MDN1: variants seen among roughly 807,000 people sequenced by gnomAD.
MDN1 encodes midasin.
In MDN1, 266 loss-of-function variants were observed where a neutral mutation model predicts 669.2. That is an observed-to-expected ratio of 0.40 (90% CI 0.36 to 0.44). MDN1 has a LOEUF of 0.44. MDN1 is among the 20% of genes least tolerant of loss of function. The pLI, the probability that MDN1 is intolerant of heterozygous loss-of-function variation, is 1.00. For synonymous variants in MDN1, 2,385 were observed against 2,457.1 expected, an observed-to-expected ratio of 0.97 and a Z score of 0.87; for missense variants, 5,940 against 6,754.0, an observed-to-expected ratio of 0.88 and a Z score of 4.22.
Position 89,695,701 on chromosome 6 carries a change from C to A in MDN1, c.9675G>T (p.Val3225=). Residue 3225 remains valine (V), a synonymous_variant, in exon 61 of 102, where the codon GTG becomes GTT. Transcript: ENST00000369393. This position sits in a 1 kb window ranked among gnomAD's most constrained non-coding sequence, Gnocchi z 4.1. ...TCTGAATCTGGAGCAAGCCGAGGCT[C>A]ACCCAGAGGCTCCCACGCTGGGCTG... is the stretch of plus-strand genomic sequence containing the variant. ...PEPAQRGSLW[V]SLGLLQIQTW... is the part of the protein sequence containing the mutation. The A allele has an allele frequency of 6.2e-7, 1 of 1,613,806 alleles. No individual in the cohort carries two copies. Among genetic ancestry groups the A allele is most frequent in the Non-Finnish European group, 8.5e-7 (1 of 1,180,018 alleles).
intron 40 of MDN1, 105 bp downstream of exon 40, chr6:89,722,846 CAAAA>C (rs34376900): frequency 1.7e-3 from 1,174 of 687,586 alleles, no homozygotes; most frequent in South Asian, 3.3e-3. Context: ...AACCCAGTCT[CAAAA>C]AAAAAAAAAA....
At chr6:89,790,434 G>A in intron 5 of MDN1, 33 bp from the exon 6 acceptor site, 1 of 1,612,800 alleles carries the variant, frequency 6.2e-7, no homozygotes. Context: ...ATGTCAAGAA[G>A]AGTTCTTCCC....
rs772860992 is a variant in MDN1 at position 89,776,588 on chromosome 6, C to G, written c.1821+12G>C. On this transcript the variant is annotated intron_variant, in intron 12 of 101. Coordinates refer to ENST00000369393, the MANE Select transcript of MDN1 (RefSeq NM_014611.3). Reference sequence around the variant, plus strand: ...TCCTTTCAACAGGGAAGTAAAAAAACAGCACACATACCTTTTTTCTAGAAA... The same window carrying G: ...TCCTTTCAACAGGGAAGTAAAAAAAGAGCACACATACCTTTTTTCTAGAAA... 6.3e-7 allele frequency: 1 copy of G among 1,591,112 alleles called. No homozygotes were observed. The highest frequency in any genetic ancestry group is 8.6e-7 in the Non-Finnish European group (1 of 1,163,416).
At chr6:89,656,064 A>C in intron 91 of MDN1, 96 bp from the exon 92 acceptor site, 2 of 1,069,632 alleles carry the variant, frequency 1.9e-6, no homozygotes, top group Middle Eastern at 2.1e-4. Flanking sequence ...AGGATAAGTA[A>C]ATCAGGTGTA....
At chr6:89,814,288 A>C (rs1768657276) in intron 1 of MDN1, among the ~76,000 whole-genome samples, 1 of 152,088 alleles carries the variant, frequency 6.6e-6, no homozygotes, top group African/African-American at 2.4e-5. Context: ...CAGAGACCTT[A>C]GGACTGACAA....
At position 89,714,593 on chromosome 6, in the gene MDN1, A is replaced by G; in HGVS notation, c.7019T>C (p.Val2340Ala). The G allele has an allele frequency of 6.2e-7, 1 of 1,614,118 alleles. No individual in the cohort carries two copies. Among genetic ancestry groups the G allele is most frequent in the Non-Finnish European group, 8.5e-7 (1 of 1,179,974 alleles). Residue 2340 changes from valine (V) to alanine (A), a missense_variant, in exon 46 of 102, where the codon GTA becomes GCA. Coordinates refer to ENST00000369393, the MANE Select transcript of MDN1 (RefSeq NM_014611.3). ...GTGTAAAGCCAAGAGGATGTCACAT[A>G]CACTGTTCCCCACCAATCCAAGGCT... ...LHSLGLVGNS[V>A]CDILLALHTE...
intron 2 of MDN1, among the ~76,000 whole-genome samples, chr6:89,801,349 A>C (rs1767644129): frequency 6.6e-6 from 1 of 152,102 alleles, no homozygotes; most frequent in Non-Finnish European, 1.5e-5. Context: ...CATGGTGAAA[A>C]CCCCAAAAAA....
chr6:89,741,346 C>A (rs1266692743), intron 31 of MDN1, among the ~76,000 whole-genome samples: 11 of 151,872 alleles, frequency 7.2e-5, no homozygotes, highest in African/African-American at 2.7e-4. Flanking sequence ...TAAAAAAAAA[C>A]ACAAAAACCT....
chr6:89,749,612 A>G lies in MDN1; in HGVS notation c.3546T>C (p.Val1182=). ...GCATAAACCGAGGGTGTGCTTTAAC[A>G]ACTTCCTGTGTTTCTGTTACTAGCA... ...RELLVTETQE[V]VKAHPRFMLF... The change falls in exon 25 of 102, where the codon GTT becomes GTC. Residue 1182 remains valine, a synonymous_variant. Transcript: ENST00000369393. The G allele has an allele frequency of 6.2e-7, 1 of 1,614,164 alleles. No individual in the cohort carries two copies. Among genetic ancestry groups the G allele is most frequent in the Non-Finnish European group, 8.5e-7 (1 of 1,180,018 alleles).
chr6:89,672,050 T>C, intron 82 of MDN1, 150 bp downstream of exon 82: 1 of 720,644 alleles, frequency 1.4e-6, no homozygotes, highest in Non-Finnish European at 2.1e-6. Flanking sequence ...GTCAATGACT[T>C]TGCACGTATA....
In MDN1 at chr6:89,699,498, A is replaced by G. The variant is rs576245022; in HGVS notation, c.8997+103T>C. ...TTCAAAAAAACCTGAGGTTTCCAATATGGAATTTTGAGAATAAATAAAATG... is the reference window on the plus strand; with the variant it reads ...TTCAAAAAAACCTGAGGTTTCCAATGTGGAATTTTGAGAATAAATAAAATG... On this transcript the variant is annotated intron_variant, in intron 58 of 101. Coordinates refer to ENST00000369393, the MANE Select transcript of MDN1 (RefSeq NM_014611.3). The G allele has an allele frequency of 3.7e-6, 5 of 1,365,938 alleles. No individual in the cohort carries two copies. In the Admixed American group the frequency reaches 1.2e-4, roughly 34 times the overall value. The allele number at this position is 1,365,938 out of a possible 1,614,324, so 84.6% of individuals were successfully genotyped here. A position where few individuals can be genotyped will look rare whatever the true frequency, so the allele number is the denominator to read the frequency against.
chr6:89,700,075 G>C lies in MDN1; in HGVS notation c.8858C>G (p.Ala2953Gly), dbSNP rs1326169415. 2 of 1,613,908 alleles carry C rather than the reference G, an allele frequency of 1.2e-6. No homozygotes were observed. The highest frequency in any genetic ancestry group is 1.1e-5 in the South Asian group (1 of 91,062). ...YKVTADFMAQ[A>G]CLRRCSKNQQ... ...AAGCATGGTTTACCTTCTGAGACAAGCTTGTGCCATAAAATCAGCTGTCAC... is the reference window on the plus strand; with the variant it reads ...AAGCATGGTTTACCTTCTGAGACAACCTTGTGCCATAAAATCAGCTGTCAC... Residue 2953 changes from alanine to glycine, a missense_variant, in exon 57 of 102, where the codon GCT becomes GGT. By Grantham distance (60) the Ala-to-Gly change is moderately conservative (BLOSUM62 0). Coordinates refer to ENST00000369393, the MANE Select transcript of MDN1 (RefSeq NM_014611.3).
intron 31 of MDN1, among the ~76,000 whole-genome samples, chr6:89,742,552 T>C (rs1384599174): frequency 1.3e-5 from 2 of 152,230 alleles, no homozygotes; most frequent in Non-Finnish European, 2.9e-5. Context: ...CTCAGTTCTA[T>C]GCATATAGCT....
intron 1 of MDN1, among the ~76,000 whole-genome samples, chr6:89,813,924 TAAAA>T (rs61034558): frequency 7.4e-6 from 1 of 135,522 alleles, no homozygotes. Context: ...ACCTAAGATT[TAAAA>T]AAAAAAAAAA....
Position 89,771,620 on chromosome 6 carries a change from G to C in MDN1, c.2085C>G (p.Gly695=). The change falls in exon 15 of 102, where the codon GGC becomes GGG. Residue 695 remains glycine (G), a splice_region_variant and synonymous_variant. Coordinates refer to ENST00000369393, the MANE Select transcript of MDN1 (RefSeq NM_014611.3). The part of the protein sequence containing the change: ...STIQYLAHIT[G]HRLRVVNMNQ... ...TCATATTGACAACCCTCAAACGGTG[G>C]CCTTTTATAAAGAAAGTGCAAAAGT... The C allele has an allele frequency of 1.9e-6, 3 of 1,613,526 alleles. No homozygotes were observed. Among genetic ancestry groups the C allele is most frequent in the Non-Finnish European group, 2.5e-6 (3 of 1,179,584 alleles).
intron 59 of MDN1, among the ~76,000 whole-genome samples, chr6:89,698,248 CAATTCT>C (rs1315066186): frequency 1.3e-5 from 2 of 152,180 alleles, no homozygotes; most frequent in Non-Finnish European, 2.9e-5. Context: ...ACCAAGGATT[CAATTCT>C]AATTCTAACA....
In MDN1 at chr6:89,656,803, T is replaced by C; in HGVS notation, c.15184-2A>G. Reference sequence around the variant, plus strand: ...ATCTGCAGCTCCACTTCCGTGTTCCTAGGAAATCCAAGCCACAAAAGAATG... The same window carrying C: ...ATCTGCAGCTCCACTTCCGTGTTCCCAGGAAATCCAAGCCACAAAAGAATG... On this transcript the variant is annotated splice_acceptor_variant, in intron 90 of 101. Transcript: ENST00000369393. LOFTEE classifies it high-confidence loss of function. 1.6e-5 allele frequency: 25 copies of C among 1,611,678 alleles called. No individual in the cohort carries two copies. Among genetic ancestry groups the C allele is most frequent in the Non-Finnish European group, 2.1e-5 (25 of 1,178,828 alleles).
chr6:89,754,331 T>C, intron 20 of MDN1, 101 bp from the exon 21 acceptor site: 1 of 1,256,782 alleles, frequency 8.0e-7, no homozygotes, highest in South Asian at 1.5e-5. Context: ...AGATCAGAAA[T>C]GATCATGCAC....
intron 42 of MDN1, 45 bp from the exon 43 acceptor site, chr6:89,718,672 A>T: frequency 6.2e-7 from 1 of 1,608,524 alleles, no homozygotes; most frequent in Non-Finnish European, 8.5e-7. Flanking sequence ...GTCAGAGAAT[A>T]CTGTTATCTG....
Sources: gnomAD v4.1 joint callset for allele counts (sites outside exome capture counted in the v4.1 genomes callset) on GRCh38, gnomAD v4.1.1 for gene constraint, Gnocchi (gnomAD v3.1) non-coding constraint, MANE v1.5 for transcripts, NCBI Gene and HGNC (gene_info 2026-07-23, HGNC 2026-07-21) for gene names.